The following PLIN4 variants were observed in gnomAD, a reference collection of about 807,000 sequenced individuals.
PLIN4 encodes perilipin 4.
Under a neutral mutation model 52.4 loss-of-function variants are expected in PLIN4, and 57 were observed. The ratio of observed to expected loss-of-function variants is 1.09; its 90% CI spans 0.88 to 1.36. The LOEUF (loss-of-function observed/expected upper bound fraction) is 1.36. PLIN4 is among the 40% of genes most tolerant of loss of function. The pLI is 0.00. For synonymous variants in PLIN4, 826 were observed against 785.4 expected (o/e 1.05, Z -0.86); for missense variants, 1,757 against 1,770.3 (o/e 0.99, Z 0.13).
chr19:4,507,131 T>C lies in PLIN4; in HGVS notation c.3702+1637A>G, dbSNP rs557730685. 3.9e-5 allele frequency among the ~76,000 whole-genome samples: 6 copies of C among 152,338 alleles called. No homozygotes were observed. In the South Asian group the frequency reaches 1.2e-3, roughly 32 times the overall value. On this transcript the variant is annotated intron_variant, in intron 6 of 7. Coordinates refer to ENST00000301286, the MANE Select transcript of PLIN4 (RefSeq NM_001367868.2). Reference sequence around the variant, plus strand: ...GTCATCCACACTGAGAACCCTGGGTTAGACCCTCAAACTGCGGCTTGTCAC... The same window carrying C: ...GTCATCCACACTGAGAACCCTGGGTCAGACCCTCAAACTGCGGCTTGTCAC...
At chr19:4,518,344 C>T (rs977431173) in intron 1 of PLIN4, 41 bp downstream of exon 1, 11 of 1,231,400 alleles carry the variant, frequency 8.9e-6, no homozygotes, top group Admixed American at 8.4e-5. Context: ...TCCCATCCCA[C>T]ACCCACTCCC....
intron 2 of PLIN4, 88 bp from the exon 3 acceptor site, chr19:4,517,786 C>A: frequency 6.9e-7 from 1 of 1,455,204 alleles, no homozygotes. Flanking sequence ...CAGCCCAATG[C>A]CGCCCCGGCC....
chr19:4,510,781 G>T lies in PLIN4; in HGVS notation c.3179C>A (p.Pro1060His). 6.3e-7 allele frequency: 1 copy of T among 1,585,432 alleles called. No individual in the cohort carries two copies. Among genetic ancestry groups the T allele is most frequent in the Non-Finnish European group, 8.6e-7 (1 of 1,162,722 alleles). Residue 1060 changes from proline to histidine, a missense_variant, in exon 5 of 8, where the codon CCC becomes CAC. Transcript: ENST00000301286. ...STFQNWLPST[P>H]ATSWGGLTSS... ...GGTGAGTCCACCCCAGGAGGTGGCGGGGGTACTAGGTAACCAGTTCTGGAA... is the reference window on the plus strand; with the variant it reads ...GGTGAGTCCACCCCAGGAGGTGGCGTGGGTACTAGGTAACCAGTTCTGGAA...
chr19:4,516,760 G>A (rs1011106308), intron 3 of PLIN4, 82 bp from the exon 4 acceptor site: 7 of 1,336,882 alleles, frequency 5.2e-6, no homozygotes, highest in Non-Finnish European at 6.0e-6. Context: ...CAATAGCCAG[G>A]CACAGCCTAA....
chr19:4,511,398 G>T lies in PLIN4; in HGVS notation c.2562C>A (p.Thr854=), dbSNP rs768028255. The change falls in exon 5 of 8, where the codon ACC becomes ACA. Residue 854 remains threonine, a synonymous_variant. Coordinates refer to ENST00000301286, the MANE Select transcript of PLIN4 (RefSeq NM_001367868.2). The part of the protein sequence containing the change: ...KGAVQTGLKT[T]QNIATGTKNT... ...TCTTTGTACCTGTTGCGATATTTTG[G>T]GTCGTTTTCAGCCCAGTTTGCACAG... 5 of 1,579,342 alleles carry T rather than the reference G, an allele frequency of 3.2e-6. 1 individual carries two copies. The East Asian group carries it at 9.1e-5, about 29-fold the overall frequency.
chr19:4,504,853 A>C lies in PLIN4; in HGVS notation c.3789+8T>G. 6.2e-7 allele frequency: 1 copy of C among 1,605,074 alleles called. No homozygotes were observed. The highest frequency in any genetic ancestry group is 8.5e-7 in the Non-Finnish European group (1 of 1,176,782). On this transcript the variant is annotated splice_region_variant and intron_variant, in intron 7 of 7. Transcript: ENST00000301286. ...GGTGGGGGGACCCTAGCCCTGTGCC[A>C]GACCCACCTCCTGGACAGCAGCGTC...
rs1456491665 is a variant in PLIN4, at chr19:4,504,386, G to A, written c.*73C>T. ...GGAACCGATCCAGGTTTGGGGGCGGGGAGAAAGTTCTGAGGCAGCTCCTCC... is the reference window on the plus strand; with the variant it reads ...GGAACCGATCCAGGTTTGGGGGCGGAGAGAAAGTTCTGAGGCAGCTCCTCC... On this transcript the variant is annotated 3_prime_UTR_variant, in exon 8 of 8. Coordinates refer to ENST00000301286, the MANE Select transcript of PLIN4 (RefSeq NM_001367868.2). 1 of 1,367,104 alleles carries A rather than the reference G, an allele frequency of 7.3e-7. No individual in the cohort carries two copies. The highest frequency in any genetic ancestry group is 9.7e-7 in the Non-Finnish European group (1 of 1,036,066). 84.7% of individuals were successfully genotyped at this position (1,367,104 alleles called of 1,614,324 possible).
At chr19:4,505,857 A>G (rs1026733084) in intron 6 of PLIN4, among the ~76,000 whole-genome samples, 1 of 151,402 alleles carries the variant, frequency 6.6e-6, no homozygotes, top group African/African-American at 2.4e-5. Context: ...GGCTCCTAAT[A>G]TCCACTCTGC....
Position 4,510,765 on chromosome 19 carries a change from A to G in PLIN4, c.3195T>C (p.Gly1065=). 1 of 1,570,198 alleles carries G rather than the reference A, an allele frequency of 6.4e-7. No homozygotes were observed. Among genetic ancestry groups the G allele is most frequent in the South Asian group, 1.2e-5 (1 of 84,586 alleles). ...WLPSTPATSW[G]GLTSSRTTDN... ...CTGTGGTCCTGGAACTGGTGAGTCCACCCCAGGAGGTGGCGGGGGTACTAG... is the reference window on the plus strand; with the variant it reads ...CTGTGGTCCTGGAACTGGTGAGTCCGCCCCAGGAGGTGGCGGGGGTACTAG... The change falls in exon 5 of 8, where the codon GGT becomes GGC. Residue 1065 remains glycine (G), a synonymous_variant. Coordinates refer to ENST00000301286, the MANE Select transcript of PLIN4 (RefSeq NM_001367868.2).
At position 4,504,545 on chromosome 19, in the gene PLIN4, ACC is replaced by A. The variant is rs771471993; in HGVS notation, c.4028_4029del (p.Gly1343ValfsTer66). 1 of 1,605,008 alleles carries A rather than the reference ACC, an allele frequency of 6.2e-7. No homozygotes were observed. The highest frequency in any genetic ancestry group is 8.5e-7 in the Non-Finnish European group (1 of 1,177,902). ...SREGVHQAWQGLEQLLEGLQH... is the reference protein window; with the variant it reads ...SREGVHQAWQXLEQLLEGLQH... ...TGTAGGCCCTCCAGCAGCTGCTCTA[ACC>A]CCTGCCAAGCCTGGTGCACACCCTC... On this transcript the variant is annotated frameshift_variant, in exon 8 of 8. Transcript: ENST00000301286. LOFTEE classifies it low-confidence loss of function (END_TRUNC).
chr19:4,515,911 C>T (rs550627184), intron 4 of PLIN4, among the ~76,000 whole-genome samples: 31 of 152,350 alleles, frequency 2.0e-4, no homozygotes, highest in Non-Finnish European at 3.4e-4. Context: ...TCCCGACACT[C>T]GCTGTGTGGC....
rs758629481 is a variant in PLIN4, at chr19:4,511,342, G to C, written c.2618C>G (p.Ala873Gly). The change falls in exon 5 of 8, where the codon GCG becomes GGG. Residue 873 changes from alanine (A) to glycine (G), a missense_variant. Ala to Gly is a moderately conservative substitution (Grantham distance 60). Around this residue, in one of 7 missense-constraint regions of PLIN4, gnomAD observed 76 missense variants for 109.1 expected, o/e 0.70. Coordinates refer to ENST00000301286, the MANE Select transcript of PLIN4 (RefSeq NM_001367868.2). ...CTGGACGGCCCCTTTGGCCACTTTCGCAGCACCGGTCACCCCACTGCCAAG... is the reference window on the plus strand; with the variant it reads ...CTGGACGGCCCCTTTGGCCACTTTCCCAGCACCGGTCACCCCACTGCCAAG... Reference protein sequence around the residue: ...NTLGSGVTGAAKVAKGAVQGG... With the variant: ...NTLGSGVTGAGKVAKGAVQGG... 6.3e-7 allele frequency: 1 copy of C among 1,587,602 alleles called. No homozygotes were observed. Among genetic ancestry groups the C allele is most frequent in the Non-Finnish European group, 8.6e-7 (1 of 1,164,416 alleles).
chr19:4,506,301 C>T (rs1443851229), intron 6 of PLIN4, among the ~76,000 whole-genome samples: 2 of 152,178 alleles, frequency 1.3e-5, no homozygotes, highest in Admixed American at 1.3e-4. Context: ...GACAGTCCTG[C>T]CCCAGGGCCT....
chr19:4,508,417 C>G (rs1976164740), intron 6 of PLIN4, among the ~76,000 whole-genome samples: 1 of 152,196 alleles, frequency 6.6e-6, no homozygotes, highest in African/African-American at 2.4e-5. Flanking sequence ...CAGGCGCCTG[C>G]CACCACTCCC....
At position 4,511,242 on chromosome 19, in the gene PLIN4, C is replaced by G. The variant is rs1976309826; in HGVS notation, c.2718G>C (p.Val906=). ...DAVSTGLTGA[V]NLAKGTVQTG... ...TCTGGACAGTCCCTTTGGCCAAGTTCACAGCCCCTGTGAGCCCAGTGGACA... is the reference window on the plus strand; with the variant it reads ...TCTGGACAGTCCCTTTGGCCAAGTTGACAGCCCCTGTGAGCCCAGTGGACA... Residue 906 remains valine, a synonymous_variant, in exon 5 of 8, where the codon GTG becomes GTC. Coordinates refer to ENST00000301286, the MANE Select transcript of PLIN4 (RefSeq NM_001367868.2). 1 of 1,611,426 alleles carries G rather than the reference C, an allele frequency of 6.2e-7. No homozygotes were observed. Among genetic ancestry groups the G allele is most frequent in the South Asian group, 1.1e-5 (1 of 90,938 alleles).
In PLIN4 at chr19:4,504,585, C is replaced by T. The variant is rs748257043; in HGVS notation, c.3990G>A (p.Leu1330=). The part of the protein sequence containing the change: ...GSVEELPAER[L]VQSREGVHQA... ...GGTGCACACCCTCGCGGCTCTGCAC[C>T]AGCCGCTCTGCGGGCAGCTCCTCTA... The change falls in exon 8 of 8, where the codon CTG becomes CTA. Residue 1330 remains leucine, a synonymous_variant. Coordinates refer to ENST00000301286, the MANE Select transcript of PLIN4 (RefSeq NM_001367868.2). 2 of 1,603,898 alleles carry T rather than the reference C, an allele frequency of 1.2e-6. No individual in the cohort carries two copies. Among genetic ancestry groups the T allele is most frequent in the South Asian group, 2.2e-5 (2 of 90,042 alleles).
chr19:4,514,677 G>A (rs1044581759), intron 4 of PLIN4, among the ~76,000 whole-genome samples: 6 of 150,688 alleles, frequency 4.0e-5, no homozygotes, highest in East Asian at 2.0e-4. Flanking sequence ...GCAGTGAGCC[G>A]AGATCGCGCC....
intron 4 of PLIN4, among the ~76,000 whole-genome samples, chr19:4,515,739 C>T (rs940878040): frequency 1.3e-5 from 2 of 152,106 alleles, no homozygotes; most frequent in Admixed American, 6.6e-5. Flanking sequence ...GATGGCCCCA[C>T]CCCAGAGAAT....
Position 4,510,843 on chromosome 19 carries a change from G to C in PLIN4, c.3117C>G (p.Asn1039Lys), listed in dbSNP as rs200831658. 181 of 1,612,382 alleles carry C rather than the reference G, an allele frequency of 1.1e-4. No individual in the cohort carries two copies. Among genetic ancestry groups the C allele is most frequent in the Admixed American group, 1.5e-4 (9 of 59,948 alleles). Reference sequence around the variant, plus strand: ...CAGTGTGGGTGGCCCCTGTCGCCACGTTCCCTGACCCCATGAGCCCAGCGG... The same window carrying C: ...CAGTGTGGGTGGCCCCTGTCGCCACCTTCCCTGACCCCATGAGCCCAGCGG... ...AVSAGLMGSG[N>K]VATGATHTGL... The change falls in exon 5 of 8, where the codon AAC (asparagine) becomes AAG (lysine). Residue 1039 changes from asparagine (N) to lysine (K), a missense_variant. Around this residue, in one of 7 missense-constraint regions of PLIN4, gnomAD observed 712 missense variants for 637.1 expected, o/e 1.12. Transcript: ENST00000301286.
Sources: gnomAD v4.1 joint callset for allele counts (sites outside exome capture counted in the v4.1 genomes callset) on GRCh38, gnomAD v4.1.1 for gene constraint, gnomAD v4.1.1 regional missense constraint, MANE v1.5 for transcripts, NCBI Gene and HGNC (gene_info 2026-07-23, HGNC 2026-07-21) for gene names.